Variants in ANKRD18A observed in about 807,000 individuals in gnomAD.
The protein encoded by ANKRD18A is ankyrin repeat domain 18A.
A neutral mutation model predicts 110.6 loss-of-function variants in ANKRD18A; 72 were observed. The observed-to-expected ratio is 0.65, with a 90% CI of 0.54 to 0.79. The LOEUF (loss-of-function observed/expected upper bound fraction) is 0.79, where lower values mean the gene tolerates loss of function less well. Ranked by LOEUF, ANKRD18A falls within the 30% of genes least tolerant of loss-of-function variation. ANKRD18A has a pLI of 0.00. For synonymous variants in ANKRD18A, 305 were observed against 410.3 expected, an observed-to-expected ratio of 0.74 and a Z score of 3.10; for missense variants, 934 against 1,163.3, an observed-to-expected ratio of 0.80 and a Z score of 2.87.
At chr9:38,581,634 C>T (rs1178745565) in intron 12 of ANKRD18A, among the ~76,000 whole-genome samples, 2 of 152,116 alleles carry the variant, frequency 1.3e-5, no homozygotes, top group African/African-American at 4.8e-5. Context: ...ACACAGCATA[C>T]TTTGAGTGTT....
chr9:38,594,738 A>T (rs576985156), intron 9 of ANKRD18A, among the ~76,000 whole-genome samples: 3 of 152,332 alleles, frequency 2.0e-5, no homozygotes, highest in African/African-American at 7.2e-5. Flanking sequence ...AAGGAAAAGC[A>T]TCACAAGACA....
chr9:38,584,531 T>C (rs935971197), intron 12 of ANKRD18A, among the ~76,000 whole-genome samples: 5 of 152,178 alleles, frequency 3.3e-5, no homozygotes, highest in African/African-American at 1.2e-4. Context: ...ATATTTTAAA[T>C]GAGTGAATTG....
chr9:38,586,149 A>G, intron 12 of ANKRD18A, 34 bp downstream of exon 12: 1 of 1,545,140 alleles, frequency 6.5e-7, no homozygotes, highest in Non-Finnish European at 8.7e-7. Flanking sequence ...TGTAATCTAG[A>G]CCTTAAGATA....
chr9:38,589,344 T>C (rs534288556), intron 10 of ANKRD18A, among the ~76,000 whole-genome samples: 2 of 152,404 alleles, frequency 1.3e-5, no homozygotes, highest in East Asian at 3.9e-4. Context: ...GTTTTTATAT[T>C]GAAACTTGAG....
chr9:38,579,740 AGT>A (rs1269893220), intron 12 of ANKRD18A, among the ~76,000 whole-genome samples: 2 of 152,228 alleles, frequency 1.3e-5, no homozygotes, highest in African/African-American at 4.8e-5. Context: ...AAGGTAAATT[AGT>A]GCAGCTACTA....
At chr9:38,608,449 C>T (rs1199161936) in intron 5 of ANKRD18A, among the ~76,000 whole-genome samples, 1 of 151,228 alleles carries the variant, frequency 6.6e-6, no homozygotes, top group East Asian at 1.9e-4. Context: ...ATCCCGTGTG[C>T]TACTCAGCTC....
chr9:38,619,946 A>C (rs958989983), intron 1 of ANKRD18A, 134 bp downstream of exon 1: 2 of 1,130,796 alleles, frequency 1.8e-6, no homozygotes, highest in East Asian at 2.6e-5. Context: ...GACGGAAAGC[A>C]GCTGAGGCTC....
At chr9:38,573,855 G>T (rs1370010953) in intron 15 of ANKRD18A, among the ~76,000 whole-genome samples, 3 of 151,786 alleles carry the variant, frequency 2.0e-5, no homozygotes, top group Non-Finnish European at 2.9e-5. Context: ...TTCTTAAAAA[G>T]AAATTTATAT....
intron 9 of ANKRD18A, among the ~76,000 whole-genome samples, chr9:38,594,952 C>T (rs1824808967): frequency 6.6e-6 from 1 of 152,178 alleles, no homozygotes; most frequent in Non-Finnish European, 1.5e-5. Flanking sequence ...CAGCATTGCT[C>T]TGCATCTACT....
intron 5 of ANKRD18A, among the ~76,000 whole-genome samples, chr9:38,609,589 G>A (rs540870050): frequency 6.6e-6 from 1 of 152,164 alleles, no homozygotes; most frequent in Admixed American, 6.5e-5. Context: ...GGTGGCAAAA[G>A]TCAATCATTA....
chr9:38,569,472 C>T (rs1163642380), downstream of ANKRD18A: 1 of 970,590 alleles, frequency 1.0e-6, no homozygotes, highest in Non-Finnish European at 1.2e-6. Flanking sequence ...CAGAGCCACT[C>T]ACAGAGACTG....
At chr9:38,580,752 C>T (rs928758365) in intron 12 of ANKRD18A, among the ~76,000 whole-genome samples, 43 of 150,564 alleles carry the variant, frequency 2.9e-4, no homozygotes, top group African/African-American at 1.1e-3. Flanking sequence ...AATCTATATT[C>T]ATCCCATTAA....
intron 8 of ANKRD18A, among the ~76,000 whole-genome samples, chr9:38,599,879 T>C (rs927273427): frequency 1.3e-5 from 2 of 152,240 alleles, no homozygotes; most frequent in African/African-American, 4.8e-5. Context: ...GGAAAATTAA[T>C]TTGCTTCTTT....
chr9:38,579,543 A>G (rs867155368), intron 12 of ANKRD18A, among the ~76,000 whole-genome samples: 1 of 152,250 alleles, frequency 6.6e-6, no homozygotes, highest in African/African-American at 2.4e-5. Flanking sequence ...GAGAAAAAAA[A>G]GAAATACAAA....
intron 13 of ANKRD18A, 79 bp downstream of exon 13, chr9:38,577,788 A>T (rs139636337): frequency 6.8e-7 from 1 of 1,462,880 alleles, no homozygotes; most frequent in African/African-American, 1.4e-5. Flanking sequence ...AACACAATAT[A>T]TACATATCCA....
intron 12 of ANKRD18A, among the ~76,000 whole-genome samples, chr9:38,579,424 G>C (rs1411324066): frequency 6.6e-6 from 1 of 151,794 alleles, no homozygotes; most frequent in Non-Finnish European, 1.5e-5. Flanking sequence ...AAATACACAA[G>C]ACAAATATCC....
chr9:38,611,153 T>C (rs1825602680), intron 4 of ANKRD18A, 62 bp downstream of exon 4: 3 of 1,488,290 alleles, frequency 2.0e-6, no homozygotes, highest in Non-Finnish European at 2.7e-6. Context: ...GAGTGACTGT[T>C]ACCGCTCTAG....
chr9:38,610,504 G>C (rs1825567459), intron 4 of ANKRD18A, 94 bp from the exon 5 acceptor site: 3 of 1,460,108 alleles, frequency 2.1e-6, no homozygotes, highest in Non-Finnish European at 2.7e-6. Context: ...TATCTTGCCT[G>C]TCAGGATAGA....
At position 38,592,150 on chromosome 9, in the gene ANKRD18A, C is replaced by T. The variant is rs1030622014; in HGVS notation, c.2004+1610G>A. Among the ~76,000 whole-genome samples the T allele has an allele frequency of 5.3e-4, 80 of 152,142 alleles. 1 individual carries two copies. Among genetic ancestry groups the T allele is most frequent in the Non-Finnish European group, 9.3e-4 (63 of 68,020 alleles). ...CTATTAGACTAATTGGTTTTAATTT[C>T]ATATTTAATTGCTAAAAATACACTT... is the stretch of plus-strand genomic sequence containing the variant. On this transcript the variant is annotated intron_variant, in intron 10 of 15. Coordinates refer to ENST00000399703, the MANE Select transcript of ANKRD18A (RefSeq NM_147195.4).
Sources: allele counts gnomAD v4.1 joint callset (sites outside exome capture counted in the v4.1 genomes callset), GRCh38; gene constraint gnomAD v4.1.1; transcripts MANE v1.5; gene names NCBI Gene and HGNC (gene_info 2026-07-23, HGNC 2026-07-21).